CACNB2: variants seen among roughly 807,000 people sequenced by gnomAD.
CACNB2 encodes voltage-dependent L-type calcium channel subunit beta-2.
In CACNB2, 42 loss-of-function variants were observed where a neutral mutation model predicts 73.3. The ratio of observed to expected loss-of-function variants is 0.57; its 90% confidence interval spans 0.45 to 0.74. The LOEUF is 0.74. CACNB2 is among the 30% of genes least tolerant of loss of function. The pLI is 0.00. For missense variants in CACNB2, 940 were observed against 853.0 expected (o/e 1.10, Z -1.27); for synonymous variants, 348 against 310.3 (o/e 1.12, Z -1.28).
intron 2 of CACNB2, among the ~76,000 whole-genome samples, chr10:18,342,122 G>C (rs1379017489): frequency 6.6e-6 from 1 of 152,130 alleles, no homozygotes; most frequent in Non-Finnish European, 1.5e-5. Flanking sequence ...ATCATTTCCT[G>C]TAAACTTGCT....
At chr10:18,460,460 T>G (rs2047510166) in intron 3 of CACNB2, among the ~76,000 whole-genome samples, 1 of 152,208 alleles carries the variant, frequency 6.6e-6, no homozygotes, top group Non-Finnish European at 1.5e-5. Flanking sequence ...TAGGGATATT[T>G]CAAAATTATT....
chr10:18,425,780 T>A (rs1238528930), intron 3 of CACNB2, among the ~76,000 whole-genome samples: 5 of 152,238 alleles, frequency 3.3e-5, no homozygotes, highest in Non-Finnish European at 5.9e-5. Context: ...TCATCTGTAA[T>A]TCCTCGATCT....
At chr10:18,268,569 A>G (rs2037913083) in intron 2 of CACNB2, among the ~76,000 whole-genome samples, 1 of 152,250 alleles carries the variant, frequency 6.6e-6, no homozygotes, top group Non-Finnish European at 1.5e-5. Flanking sequence ...ATGTGTTTGC[A>G]TTTATATTGG....
chr10:18,471,214 G>A (rs1232249885), intron 3 of CACNB2, among the ~76,000 whole-genome samples: 1 of 152,152 alleles, frequency 6.6e-6, no homozygotes, highest in Non-Finnish European at 1.5e-5. Flanking sequence ...GCTGAGGCAG[G>A]AGAATAGCTT....
At chr10:18,215,186 C>T (rs144679763) in intron 2 of CACNB2, among the ~76,000 whole-genome samples, 11 of 149,670 alleles carry the variant, frequency 7.3e-5, no homozygotes, top group African/African-American at 2.8e-4. Flanking sequence ...AGCAGGCACT[C>T]TGAATGAAGA....
intron 3 of CACNB2, among the ~76,000 whole-genome samples, chr10:18,443,191 A>G (rs76362313): frequency 0.023 from 3,542 of 151,744 alleles, 149 homozygotes; most frequent in African/African-American, 0.08. Flanking sequence ...TTTAATCCCC[A>G]ATTCAGTGCC....
intron 2 of CACNB2, among the ~76,000 whole-genome samples, chr10:18,176,166 T>A (rs1011060204): frequency 6.6e-6 from 1 of 152,164 alleles, no homozygotes; most frequent in Non-Finnish European, 1.5e-5. Flanking sequence ...CACACAATTG[T>A]ACCAGTGCAT....
intron 2 of CACNB2, among the ~76,000 whole-genome samples, chr10:18,168,025 A>G (rs938191811): frequency 1.3e-5 from 2 of 152,148 alleles, no homozygotes; most frequent in African/African-American, 4.8e-5. Flanking sequence ...AAACCTCTCT[A>G]TCTTAATGAG....
At chr10:18,228,123 G>C (rs1208841323) in intron 2 of CACNB2, among the ~76,000 whole-genome samples, 3 of 152,060 alleles carry the variant, frequency 2.0e-5, no homozygotes, top group Non-Finnish European at 2.9e-5. Flanking sequence ...GGTTCATTTG[G>C]GGGGAAAAAG....
chr10:18,528,329 A>C (rs2133234663), intron 10 of CACNB2, among the ~76,000 whole-genome samples: 1 of 152,184 alleles, frequency 6.6e-6, no homozygotes, highest in Admixed American at 6.5e-5. Context: ...ACTGCTTATT[A>C]ACGTATACTG....
chr10:18,419,490 T>C (rs1437067791), intron 3 of CACNB2, among the ~76,000 whole-genome samples: 1 of 152,216 alleles, frequency 6.6e-6, no homozygotes, highest in Non-Finnish European at 1.5e-5. Flanking sequence ...ACTAAGGTTA[T>C]GAACTAGTGT....
At chr10:18,412,198 C>A (rs2044672639) in intron 3 of CACNB2, among the ~76,000 whole-genome samples, 1 of 152,186 alleles carries the variant, frequency 6.6e-6, no homozygotes, top group South Asian at 2.1e-4. Flanking sequence ...CTACTTATGT[C>A]ATGTTTGCTA....
intron 3 of CACNB2, among the ~76,000 whole-genome samples, chr10:18,410,196 G>C (rs1237168811): frequency 6.6e-6 from 1 of 152,130 alleles, no homozygotes; most frequent in Non-Finnish European, 1.5e-5. Flanking sequence ...TACTCTGCTA[G>C]TTAATTAGTG....
chr10:18,155,604 G>A (rs2131061249), intron 2 of CACNB2, among the ~76,000 whole-genome samples: 1 of 152,306 alleles, frequency 6.6e-6, no homozygotes, highest in South Asian at 2.1e-4. Flanking sequence ...TGGCATGCCT[G>A]TGTTCAGCTA....
chr10:18,468,128 G>C (rs1284146682), intron 3 of CACNB2, among the ~76,000 whole-genome samples: 1 of 152,054 alleles, frequency 6.6e-6, no homozygotes, highest in Non-Finnish European at 1.5e-5. Context: ...TAGAACTGGG[G>C]TGCTCAAACA....
chr10:18,421,284 G>GT (rs560100095), intron 3 of CACNB2, among the ~76,000 whole-genome samples: 25 of 149,588 alleles, frequency 1.7e-4, no homozygotes, highest in East Asian at 3.9e-4. Flanking sequence ...TACCAGTGTG[G>GT]TTTTTTTTGT....
intron 2 of CACNB2, among the ~76,000 whole-genome samples, chr10:18,384,680 A>C (rs2043150648): frequency 6.6e-6 from 1 of 151,856 alleles, no homozygotes; most frequent in Non-Finnish European, 1.5e-5. Context: ...CAGCGAGCTG[A>C]GATATTGCCA....
At chr10:18,238,436 A>T (rs979209662) in intron 2 of CACNB2, 4 of 152,114 alleles carry the variant, frequency 2.6e-5, no homozygotes, top group African/African-American at 9.7e-5. Flanking sequence ...TCAGAAACAC[A>T]CTTCATTCTT....
At chr10:18,232,859 A>C (rs1311176856) in intron 2 of CACNB2, among the ~76,000 whole-genome samples, 1 of 152,190 alleles carries the variant, frequency 6.6e-6, no homozygotes, top group Non-Finnish European at 1.5e-5. Flanking sequence ...AAGCCTAGAC[A>C]GGCAGATGGC....
Sources: allele counts gnomAD v4.1 joint callset (sites outside exome capture counted in the v4.1 genomes callset), GRCh38; gene constraint gnomAD v4.1.1; transcripts MANE v1.5; gene names NCBI Gene and HGNC (gene_info 2026-07-23, HGNC 2026-07-21).